PPFIA1: variants seen among roughly 807,000 people sequenced by gnomAD.
PPFIA1 encodes the protein PPFI scaffold protein A1, also known as liprin-alpha-1.
In PPFIA1, 25 loss-of-function variants were observed where a neutral mutation model predicts 149.9. That is an observed-to-expected ratio of 0.17 (90% confidence interval 0.12 to 0.23). The LOEUF (loss-of-function observed/expected upper bound fraction) is 0.23. PPFIA1 is among the 10% of genes least tolerant of loss of function. The pLI is 1.00. For synonymous variants in PPFIA1, 549 were observed against 552.8 expected, an observed-to-expected ratio of 0.99 and a Z score of 0.10; for missense variants, 1,362 against 1,506.5, an observed-to-expected ratio of 0.90 and a Z score of 1.59.
intron 21 of PPFIA1, chr11:70,365,268 C>T (rs1004864795): frequency 5.3e-6 from 2 of 379,944 alleles, no homozygotes; most frequent in Non-Finnish European, 1.1e-5. Context: ...CGAACTTTGC[C>T]TCCTCGGCCC....
Position 70,295,285 on chromosome 11 carries a change from A to ACC in PPFIA1, c.264+22855_264+22856dup, listed in dbSNP as rs760270943. 8.9e-3 allele frequency among the ~76,000 whole-genome samples: 816 copies of ACC among 91,190 alleles called. 22 individuals carry two copies. Among genetic ancestry groups the ACC allele is most frequent in the Admixed American group, 0.016 (137 of 8,470 alleles). 59.8% of individuals were successfully genotyped at this position (91,190 alleles called of 152,430 possible). A position where few individuals can be genotyped will look rare whatever the true frequency, so the allele number is the denominator to read the frequency against. ...GGGTGGCTGGCCGGGCGAGGGGCTG[A>ACC]CCCCCCCACCTCCCTCCCGGATGGG... On this transcript the variant is annotated intron_variant, in intron 2 of 27. Transcript: ENST00000253925.
At chr11:70,276,593 G>A (rs1591016542) in intron 2 of PPFIA1, among the ~76,000 whole-genome samples, 1 of 152,156 alleles carries the variant, frequency 6.6e-6, no homozygotes, top group South Asian at 2.1e-4. Flanking sequence ...GAGTTCCTAC[G>A]AAATTTGTGT....
At chr11:70,355,988 A>G (rs1232106773) in intron 18 of PPFIA1, among the ~76,000 whole-genome samples, 173 bp from the exon 19 acceptor site, 2 of 152,216 alleles carry the variant, frequency 1.3e-5, no homozygotes, top group Admixed American at 1.3e-4. Flanking sequence ...ACTCAGGTAC[A>G]ACACATTTCC....
At chr11:70,284,153 G>C (rs2050948515) in intron 2 of PPFIA1, 1 of 425,204 alleles carries the variant, frequency 2.4e-6, no homozygotes, top group African/African-American at 2.1e-5. Context: ...ATTGGAATAA[G>C]GTAAAACTAG....
chr11:70,354,191 TG>T, intron 16 of PPFIA1, 109 bp from the exon 17 acceptor site: 1 of 1,160,696 alleles, frequency 8.6e-7, no homozygotes. Context: ...CTTTCTGTGC[TG>T]GCAGAAAGCA....
chr11:70,330,459 T>G (rs1178707605), intron 8 of PPFIA1, 140 bp downstream of exon 8: 1 of 662,012 alleles, frequency 1.5e-6, no homozygotes, highest in African/African-American at 1.9e-5. Flanking sequence ...TCAAGACATG[T>G]GGGAGTTCCT....
At position 70,295,210 on chromosome 11, in the gene PPFIA1, G is replaced by A. The variant is rs1426089945; in HGVS notation, c.264+22774G>A. Among the ~76,000 whole-genome samples, 11 of 146,276 alleles carry A rather than the reference G, an allele frequency of 7.5e-5. No homozygotes were observed. The East Asian group carries it at 1.9e-3, about 25-fold the overall frequency. On this transcript the variant is annotated intron_variant, in intron 2 of 27. Transcript: ENST00000253925. ...TGACCCCCCCACCTCCCTCCCGGAC[G>A]GGGTGGCTGGCCGGGCGAGGGGCTG... is the stretch of plus-strand genomic sequence containing the variant.
Sources: gnomAD v4.1 joint callset for allele counts (sites outside exome capture counted in the v4.1 genomes callset) on GRCh38, gnomAD v4.1.1 for gene constraint, MANE v1.5 for transcripts, NCBI Gene and HGNC (gene_info 2026-07-23, HGNC 2026-07-21) for gene names.